PKIB: variants seen among roughly 807,000 people sequenced by gnomAD.
The protein encoded by PKIB is PKI-beta.
A neutral mutation model predicts 4.5 loss-of-function variants in PKIB; 2 were observed. The observed-to-expected ratio is 0.44, with a 90% CI of 0.18 to 1.39. The LOEUF (loss-of-function observed/expected upper bound fraction) is 1.39. Ranked by LOEUF, PKIB falls within the 40% of genes most tolerant of loss-of-function variation. The pLI, the probability that PKIB is intolerant of heterozygous loss-of-function variation, is 0.27. For synonymous variants in PKIB, 38 were observed against 36.0 expected (o/e 1.06, Z -0.20); for missense variants, 94 against 92.6 (o/e 1.02, Z -0.06).
At chr6:122,558,481 C>T (rs1772913736) in intron 2 of PKIB, among the ~76,000 whole-genome samples, 1 of 152,152 alleles carries the variant, frequency 6.6e-6, no homozygotes, top group Non-Finnish European at 1.5e-5. Context: ...GCAGCCCATC[C>T]AAACCTCACA....
chr6:122,677,121 T>C (rs934601461), intron 3 of PKIB, among the ~76,000 whole-genome samples: 6 of 151,610 alleles, frequency 4.0e-5, no homozygotes, highest in African/African-American at 1.4e-4. Flanking sequence ...CACTTCCAAC[T>C]ATTAACAAGT....
intron 2 of PKIB, among the ~76,000 whole-genome samples, chr6:122,665,763 T>C (rs1777198554): frequency 6.6e-6 from 1 of 152,210 alleles, no homozygotes; most frequent in African/African-American, 2.4e-5. Context: ...TGCATATAAC[T>C]GGTTATTTAG....
chr6:122,473,014 G>A (rs1358566900), intron 1 of PKIB, among the ~76,000 whole-genome samples: 1 of 152,142 alleles, frequency 6.6e-6, no homozygotes, highest in Non-Finnish European at 1.5e-5. Flanking sequence ...CGGGAGGCGA[G>A]GCAGGAGAAC....
Position 122,515,249 on chromosome 6 carries a change from T to A in PKIB, c.-248+37310T>A, listed in dbSNP as rs920847976. Reference sequence around the variant, plus strand: ...TTCCAGGTATAAATAAACAATAAAATACAAAAATGTGTTTTAAAATTATCT... The same window carrying A: ...TTCCAGGTATAAATAAACAATAAAAAACAAAAATGTGTTTTAAAATTATCT... On this transcript the variant is annotated intron_variant, in intron 2 of 6. Coordinates refer to the PKIB transcript ENST00000392491. Among the ~76,000 whole-genome samples, 3 of 152,164 alleles carry A rather than the reference T, an allele frequency of 2.0e-5. No homozygotes were observed. The East Asian group carries it at 5.8e-4, about 29-fold the overall frequency.
At chr6:122,721,212 C>G (rs1406200024) in intron 4 of PKIB, among the ~76,000 whole-genome samples, 1 of 152,138 alleles carries the variant, frequency 6.6e-6, no homozygotes, top group Non-Finnish European at 1.5e-5. Context: ...GGTTAAGTGA[C>G]TTGCCCAAGC....
intron 2 of PKIB, among the ~76,000 whole-genome samples, chr6:122,585,198 C>T (rs1361321909): frequency 2.0e-5 from 3 of 152,144 alleles, no homozygotes; most frequent in African/African-American, 7.2e-5. Context: ...TGTCTAACAC[C>T]ACCAGCTCAC....
chr6:122,659,255 T>C (rs1368061207), intron 2 of PKIB, among the ~76,000 whole-genome samples: 1 of 152,170 alleles, frequency 6.6e-6, no homozygotes, highest in Admixed American at 6.5e-5. Flanking sequence ...CTTGAATGTA[T>C]TTTTAAATGT....
chr6:122,532,808 A>T (rs1431553679), intron 2 of PKIB, among the ~76,000 whole-genome samples: 1 of 152,148 alleles, frequency 6.6e-6, no homozygotes, highest in Non-Finnish European at 1.5e-5. Flanking sequence ...GGCTACTATG[A>T]ATAATGTTGG....
chr6:122,584,626 C>T (rs1247697325), intron 2 of PKIB, among the ~76,000 whole-genome samples: 1 of 151,868 alleles, frequency 6.6e-6, no homozygotes, highest in Non-Finnish European at 1.5e-5. Context: ...TTTTAATGAA[C>T]AGAACTGAAG....
chr6:122,509,581 C>T (rs1255880711), intron 2 of PKIB, among the ~76,000 whole-genome samples: 1 of 151,988 alleles, frequency 6.6e-6, no homozygotes, highest in Non-Finnish European at 1.5e-5. Context: ...CAGATGCCCA[C>T]CACCACACCC....
intron 3 of PKIB, among the ~76,000 whole-genome samples, chr6:122,595,420 G>A (rs771189099): frequency 6.6e-6 from 1 of 152,182 alleles, no homozygotes; most frequent in African/African-American, 2.4e-5. Context: ...TTAGCCATAA[G>A]GTGAGTGCCT....
intron 4 of PKIB, among the ~76,000 whole-genome samples, chr6:122,721,315 T>G (rs755656661): frequency 6.6e-6 from 1 of 152,204 alleles, no homozygotes; most frequent in Non-Finnish European, 1.5e-5. Flanking sequence ...TCATAGAAAT[T>G]ATTTTGGGTG....
intron 3 of PKIB, among the ~76,000 whole-genome samples, chr6:122,710,554 G>A (rs977441612): frequency 6.6e-6 from 1 of 152,156 alleles, no homozygotes; most frequent in African/African-American, 2.4e-5. Context: ...TCTGAGGGCA[G>A]CCCTTCTCTG....
At chr6:122,607,075 G>GT (rs1774560547), upstream of PKIB, among the ~76,000 whole-genome samples, 2 of 147,444 alleles carry the variant, frequency 1.4e-5, no homozygotes, top group Non-Finnish European at 3.0e-5. Flanking sequence ...AGTCCCCTTG[G>GT]TAAAAAAAAA....
At chr6:122,611,151 C>T (rs1015750920) in intron 1 of PKIB, among the ~76,000 whole-genome samples, 1 of 152,230 alleles carries the variant, frequency 6.6e-6, no homozygotes. Context: ...GGGAGGGACA[C>T]GAGTGCCAGG....
intron 2 of PKIB, among the ~76,000 whole-genome samples, chr6:122,673,983 C>A (rs557006061): frequency 6.6e-6 from 1 of 152,218 alleles, no homozygotes; most frequent in African/African-American, 2.4e-5. Context: ...AGAAGATATA[C>A]TAGCAAGGAG....
intron 2 of PKIB, among the ~76,000 whole-genome samples, chr6:122,667,989 C>A (rs56154518): frequency 6.6e-6 from 1 of 152,074 alleles, no homozygotes; most frequent in African/African-American, 2.4e-5. Context: ...TACCCTGCTC[C>A]CACTTAACAT....
At chr6:122,684,471 C>A (rs1778019255) in intron 3 of PKIB, among the ~76,000 whole-genome samples, 1 of 152,136 alleles carries the variant, frequency 6.6e-6, no homozygotes, top group African/African-American at 2.4e-5. Context: ...CTCCCCCAAA[C>A]AGAGGCTGGG....
At chr6:122,545,561 G>T (rs767039770) in intron 2 of PKIB, among the ~76,000 whole-genome samples, 39 of 150,682 alleles carry the variant, frequency 2.6e-4, no homozygotes, top group Non-Finnish European at 5.0e-4. Context: ...CATAATACCC[G>T]ATAGGTAGTT....
Sources: allele counts gnomAD v4.1 joint callset (sites outside exome capture counted in the v4.1 genomes callset), GRCh38; gene constraint gnomAD v4.1.1; transcripts MANE v1.5; gene names NCBI Gene and HGNC (gene_info 2026-07-23, HGNC 2026-07-21).